The following CCDC85A variants were observed in gnomAD, a reference collection of about 807,000 sequenced individuals.
CCDC85A encodes the protein coiled-coil domain-containing protein 85A.
Under a neutral mutation model 50.2 loss-of-function variants are expected in CCDC85A, and 38 were observed. That is an observed-to-expected ratio of 0.76 (90% confidence interval 0.58 to 0.99). CCDC85A has a LOEUF of 0.99. CCDC85A is among the 50% of genes least tolerant of loss of function. The pLI is 0.00. For missense variants in CCDC85A, 820 were observed against 742.0 expected (o/e 1.11, Z -1.22); for synonymous variants, 366 against 301.4 (o/e 1.21, Z -2.22).
chr2:56,319,531 T>G (rs1258751332), intron 2 of CCDC85A, among the ~76,000 whole-genome samples: 1 of 152,146 alleles, frequency 6.6e-6, no homozygotes, highest in African/African-American at 2.4e-5. Flanking sequence ...TTTCGCACTC[T>G]TTTTCGATGC....
chr2:56,266,075 A>T (rs989407993), intron 2 of CCDC85A, among the ~76,000 whole-genome samples: 37 of 152,202 alleles, frequency 2.4e-4, no homozygotes, highest in Admixed American at 2.4e-3. Flanking sequence ...TGTCACTTAC[A>T]TGTGAAAAAG....
chr2:56,352,608 A>T (rs1029661076), intron 3 of CCDC85A, among the ~76,000 whole-genome samples: 2 of 152,210 alleles, frequency 1.3e-5, no homozygotes, highest in Admixed American at 6.5e-5. Flanking sequence ...GGCCTCCCAA[A>T]GTGCTGGGAT....
intron 2 of CCDC85A, among the ~76,000 whole-genome samples, chr2:56,326,080 T>C (rs1673457157): frequency 6.6e-6 from 1 of 152,134 alleles, no homozygotes. Context: ...ACTTGCTTAA[T>C]TTGGCCTTTA....
At chr2:56,233,117 A>T (rs1354553566) in intron 2 of CCDC85A, among the ~76,000 whole-genome samples, 1 of 152,166 alleles carries the variant, frequency 6.6e-6, no homozygotes, top group Non-Finnish European at 1.5e-5. Context: ...TCTTATTGTC[A>T]TTCAGATCTA....
chr2:56,269,613 C>T (rs1670610226), intron 2 of CCDC85A, among the ~76,000 whole-genome samples: 1 of 152,034 alleles, frequency 6.6e-6, no homozygotes, highest in African/African-American at 2.4e-5. Context: ...TGGCACTTTC[C>T]CTCACCAACA....
chr2:56,299,697 A>T (rs1271143171), intron 2 of CCDC85A, among the ~76,000 whole-genome samples: 2 of 152,160 alleles, frequency 1.3e-5, no homozygotes, highest in Non-Finnish European at 2.9e-5. Context: ...CCCATACTGA[A>T]TCAAGAAAAT....
intron 2 of CCDC85A, among the ~76,000 whole-genome samples, chr2:56,269,019 A>G (rs72923468): frequency 3.1e-4 from 47 of 152,298 alleles, no homozygotes; most frequent in African/African-American, 1.0e-3. Context: ...ACACTTTTCC[A>G]TAGACTAGTT....
At chr2:56,313,237 A>T (rs1023163951) in intron 2 of CCDC85A, among the ~76,000 whole-genome samples, 7 of 152,056 alleles carry the variant, frequency 4.6e-5, no homozygotes, top group African/African-American at 1.4e-4. Context: ...TTTATGTAAG[A>T]CTTTAAGTAA....
chr2:56,356,449 T>C (rs1030045628), intron 3 of CCDC85A, among the ~76,000 whole-genome samples: 24 of 152,236 alleles, frequency 1.6e-4, no homozygotes, highest in African/African-American at 5.3e-4. Flanking sequence ...TAGTTGGTGA[T>C]GGCAGCTTAG....
chr2:56,289,088 G>A (rs1037135776), intron 2 of CCDC85A, among the ~76,000 whole-genome samples: 5 of 152,158 alleles, frequency 3.3e-5, no homozygotes, highest in African/African-American at 4.8e-5. Flanking sequence ...AACTGCCCAA[G>A]CTGTAGTTAG....
At chr2:56,281,747 C>A (rs1280149148) in intron 2 of CCDC85A, among the ~76,000 whole-genome samples, 1 of 151,960 alleles carries the variant, frequency 6.6e-6, no homozygotes, top group Non-Finnish European at 1.5e-5. Context: ...TTTTGATTAG[C>A]TGTTTATCTT....
chr2:56,331,320 A>G (rs988943731), intron 2 of CCDC85A, among the ~76,000 whole-genome samples: 1 of 152,206 alleles, frequency 6.6e-6, no homozygotes, highest in Non-Finnish European at 1.5e-5. Flanking sequence ...TGATGGGTTG[A>G]TAGGTGCAGC....
chr2:56,205,330 C>T (rs1299343222), intron 2 of CCDC85A, among the ~76,000 whole-genome samples: 1 of 152,156 alleles, frequency 6.6e-6, no homozygotes, highest in Non-Finnish European at 1.5e-5. Context: ...CAGACATTTT[C>T]TCCTTTCTTT....
chr2:56,251,162 G>A (rs1438011419), intron 2 of CCDC85A, among the ~76,000 whole-genome samples: 1 of 152,186 alleles, frequency 6.6e-6, no homozygotes, highest in Non-Finnish European at 1.5e-5. Flanking sequence ...GGTGAACTTT[G>A]GGTGAACAAA....
intron 2 of CCDC85A, among the ~76,000 whole-genome samples, chr2:56,276,510 A>G (rs1209091428): frequency 6.6e-6 from 1 of 152,128 alleles, no homozygotes; most frequent in Non-Finnish European, 1.5e-5. Flanking sequence ...ATGGTAGTGA[A>G]TGAGTCTCAC....
chr2:56,243,906 TGGTG>T (rs1669384384), intron 2 of CCDC85A, among the ~76,000 whole-genome samples: 1 of 152,224 alleles, frequency 6.6e-6, no homozygotes, highest in East Asian at 1.9e-4. Flanking sequence ...GGTATTGCCT[TGGTG>T]GTCTTGGATA....
chr2:56,329,943 C>CTTTTTTTTT lies in CCDC85A; in HGVS notation c.1241-12935_1241-12934insTTTTTTTTT, dbSNP rs1336192523. On this transcript the variant is annotated intron_variant, in intron 2 of 5. Coordinates refer to ENST00000407595, the MANE Select transcript of CCDC85A (RefSeq NM_001080433.2). Reference sequence around the variant, plus strand: ...TGAAAATTTGTTTTTTACAGATTTCCTGTTTTTTTTTTTTTTTTTTTTTTT... The same window carrying CTTTTTTTTT: ...TGAAAATTTGTTTTTTACAGATTTCCTTTTTTTTTTGTTTTTTTTTTTTTTTTTTTTTTT... Among the ~76,000 whole-genome samples the CTTTTTTTTT allele has an allele frequency of 4.6e-3, 105 of 22,864 alleles. 4 individuals carry two copies. Among genetic ancestry groups the CTTTTTTTTT allele is most frequent in the South Asian group, 7.5e-3 (4 of 536 alleles). 15.0% of individuals were successfully genotyped at this position (22,864 alleles called of 152,430 possible). A position where few individuals can be genotyped will look rare whatever the true frequency, so the allele number is the denominator to read the frequency against.
chr2:56,199,074 T>A (rs1676635456), intron 2 of CCDC85A, among the ~76,000 whole-genome samples: 1 of 152,216 alleles, frequency 6.6e-6, no homozygotes, highest in Non-Finnish European at 1.5e-5. Flanking sequence ...AAAAAAAATG[T>A]GACCATTGAA....
At chr2:56,370,537 C>T (rs1676017909) in intron 3 of CCDC85A, among the ~76,000 whole-genome samples, 1 of 151,892 alleles carries the variant, frequency 6.6e-6, no homozygotes, top group Non-Finnish European at 1.5e-5. Flanking sequence ...TTATTGTTCC[C>T]CCTTATGAGA....
Sources: allele counts gnomAD v4.1 joint callset (sites outside exome capture counted in the v4.1 genomes callset), GRCh38; gene constraint gnomAD v4.1.1; transcripts MANE v1.5; gene names NCBI Gene and HGNC (gene_info 2026-07-23, HGNC 2026-07-21).